The following PUM2 variants were observed in gnomAD, a reference collection of about 807,000 sequenced individuals.
PUM2 encodes the protein pumilio homolog 2.
In PUM2, 57 loss-of-function variants were observed where a neutral mutation model predicts 124.5. The ratio of observed to expected loss-of-function variants is 0.46; its 90% confidence interval spans 0.37 to 0.57. The LOEUF is 0.57. PUM2 is among the 20% of genes least tolerant of loss of function. PUM2 has a pLI of 0.00. For missense variants in PUM2, 1,065 were observed against 1,290.6 expected, an observed-to-expected ratio of 0.83 and a Z score of 2.68; for synonymous variants, 460 against 446.1, an observed-to-expected ratio of 1.03 and a Z score of -0.39.
intron 4 of PUM2, 59 bp downstream of exon 4, chr2:20,312,177 T>C (rs1211876676): frequency 7.1e-7 from 1 of 1,417,692 alleles, no homozygotes; most frequent in Non-Finnish European, 9.6e-7. Flanking sequence ...AAAATAAAAG[T>C]AACGTAACCA....
At chr2:20,302,545 AT>A (rs959121344) in intron 7 of PUM2, among the ~76,000 whole-genome samples, 2 of 152,150 alleles carry the variant, frequency 1.3e-5, no homozygotes, top group Non-Finnish European at 1.5e-5. Flanking sequence ...TTTGGCATTG[AT>A]TTGAAATTCA....
intron 1 of PUM2, among the ~76,000 whole-genome samples, chr2:20,335,268 T>C (rs1685764116): frequency 1.3e-5 from 2 of 152,232 alleles, no homozygotes; most frequent in Admixed American, 1.3e-4. Flanking sequence ...CCGTGGTATC[T>C]ACGGCAAACA....
intron 10 of PUM2, 79 bp downstream of exon 10, chr2:20,290,573 T>A (rs756862682): frequency 1.4e-5 from 20 of 1,392,004 alleles, no homozygotes; most frequent in Non-Finnish European, 1.9e-5. Context: ...ACAGTTTGAT[T>A]TTTTTCACTC....
intron 1 of PUM2, among the ~76,000 whole-genome samples, chr2:20,344,400 C>T (rs763339930): frequency 5.3e-5 from 8 of 152,174 alleles, no homozygotes; most frequent in Non-Finnish European, 8.8e-5. Flanking sequence ...TACCTAACTC[C>T]TAATATAATC....
At chr2:20,312,147 C>G in intron 4 of PUM2, 89 bp downstream of exon 4, 1 of 1,260,612 alleles carries the variant, frequency 7.9e-7, no homozygotes, top group Non-Finnish European at 1.1e-6. Flanking sequence ...AGGAAGGGCA[C>G]AGAAAAACAA....
rs765085687 is a variant in PUM2 at position 20,283,055 on chromosome 2, A to G, written c.1612T>C (p.Leu538=). The stretch of plus-strand genomic sequence containing the variant: ...GGTTGACCAGGTCCATGAGAAAATA[A>G]AGAACTACTCTGGGAGCTATTAGTC... The part of the protein sequence containing the change: ...SLTNSSQSSS[L]FSHGPGQPGS... Residue 538 remains leucine (L), a synonymous_variant, in exon 12 of 21, where the codon TTA becomes CTA. Transcript: ENST00000361078. The G allele has an allele frequency of 1.2e-6, 2 of 1,614,130 alleles. No individual in the cohort carries two copies. Among genetic ancestry groups the G allele is most frequent in the Admixed American group, 3.3e-5 (2 of 59,978 alleles).
intron 13 of PUM2, among the ~76,000 whole-genome samples, chr2:20,276,284 C>T (rs1271071865): frequency 6.9e-6 from 1 of 145,720 alleles, no homozygotes; most frequent in African/African-American, 2.6e-5. Context: ...TGAAAGACAG[C>T]ACAGACTGTT....
chr2:20,308,818 A>G (rs550278422), intron 5 of PUM2, among the ~76,000 whole-genome samples: 1 of 152,280 alleles, frequency 6.6e-6, no homozygotes, highest in Non-Finnish European at 1.5e-5. Flanking sequence ...TTCAATCTGA[A>G]TAACATAAAG....
chr2:20,351,084 G>C (rs1689292599), upstream of PUM2, among the ~76,000 whole-genome samples: 1 of 152,188 alleles, frequency 6.6e-6, no homozygotes, highest in African/African-American at 2.4e-5. Context: ...CTCCGCCGCG[G>C]CGGGCTCGGA....
chr2:20,342,849 G>A (rs13398963), intron 1 of PUM2, among the ~76,000 whole-genome samples: 5,254 of 152,214 alleles, frequency 0.035, 91 homozygotes, highest in Middle Eastern at 0.068. Flanking sequence ...ATTTCCTAAA[G>A]ATACTTAAGT....
chr2:20,265,932 A>C (rs1283279318), intron 13 of PUM2, among the ~76,000 whole-genome samples: 2 of 152,202 alleles, frequency 1.3e-5, no homozygotes, highest in South Asian at 4.1e-4. Context: ...GGAAATGAAG[A>C]AGCCGGTTTT....
chr2:20,292,284 T>C (rs1337066920), intron 9 of PUM2, among the ~76,000 whole-genome samples: 1 of 149,918 alleles, frequency 6.7e-6, no homozygotes, highest in East Asian at 2.0e-4. Flanking sequence ...GGCCCATGGC[T>C]GACAGTTGGT....
At chr2:20,264,336 C>CAAAAAAAA (rs869149732) in intron 13 of PUM2, among the ~76,000 whole-genome samples, 1 of 25,390 alleles carries the variant, frequency 3.9e-5, no homozygotes, top group African/African-American at 1.7e-4. Flanking sequence ...CACTCTGTCT[C>CAAAAAAAA]AAAAAAAAAA....
At chr2:20,270,591 T>C (rs1036866451) in intron 13 of PUM2, among the ~76,000 whole-genome samples, 1 of 152,130 alleles carries the variant, frequency 6.6e-6, no homozygotes, top group African/African-American at 2.4e-5. Flanking sequence ...CAACTGACTG[T>C]CAAAACTTCA....
At chr2:20,351,162 A>G (rs1410683073), upstream of PUM2, among the ~76,000 whole-genome samples, 2 of 151,952 alleles carry the variant, frequency 1.3e-5, no homozygotes, top group African/African-American at 4.8e-5. Flanking sequence ...CGCCTTCTGA[A>G]TCTTCTTACC....
chr2:20,300,241 C>A (rs1184658707), intron 7 of PUM2, among the ~76,000 whole-genome samples: 1 of 152,178 alleles, frequency 6.6e-6, no homozygotes, highest in Non-Finnish European at 1.5e-5. Context: ...CCTCCGCCTC[C>A]CGGGTTCCAG....
At chr2:20,264,756 G>C (rs1667242834) in intron 13 of PUM2, among the ~76,000 whole-genome samples, 1 of 152,144 alleles carries the variant, frequency 6.6e-6, no homozygotes, top group Non-Finnish European at 1.5e-5. Context: ...CCACAGGGTA[G>C]AGATGGTCCC....
intron 4 of PUM2, among the ~76,000 whole-genome samples, chr2:20,311,934 C>T (rs1425471982): frequency 2.6e-5 from 4 of 152,016 alleles, no homozygotes; most frequent in Non-Finnish European, 5.9e-5. Context: ...AATGCGTAGA[C>T]GATTTTGTTT....
chr2:20,291,832 G>A lies in PUM2; in HGVS notation c.1153-1042C>T, dbSNP rs3732161. 9.6e-3 allele frequency among the ~76,000 whole-genome samples: 1,462 copies of A among 152,122 alleles called. 44 individuals carry two copies. Among genetic ancestry groups the A allele is most frequent in the East Asian group, 0.093 (482 of 5,168 alleles). ...TGATAAAGAAAGGGCATTGTTTGTC[G>A]CCCATTTGGTGACCATACCGTTTGC... On this transcript the variant is annotated intron_variant, in intron 9 of 20. Coordinates refer to ENST00000361078, the MANE Select transcript of PUM2 (RefSeq NM_015317.5).
Sources: allele counts gnomAD v4.1 joint callset (sites outside exome capture counted in the v4.1 genomes callset), GRCh38; gene constraint gnomAD v4.1.1; transcripts MANE v1.5; gene names NCBI Gene and HGNC (gene_info 2026-07-23, HGNC 2026-07-21).